Variants in PRKG1 observed in about 807,000 individuals in gnomAD.
PRKG1 encodes protein kinase cGMP-dependent 1.
In PRKG1, 35 loss-of-function variants were observed where a neutral mutation model predicts 88.1. The ratio of observed to expected loss-of-function variants is 0.40; its 90% confidence interval spans 0.30 to 0.53. The LOEUF (loss-of-function observed/expected upper bound fraction) is 0.53, where lower values mean the gene tolerates loss of function less well. Among genes scored for constraint, PRKG1 ranks in the 20% least tolerant of loss-of-function variants. The pLI, the probability that PRKG1 is intolerant of heterozygous loss-of-function variation, is 0.59. For synonymous variants in PRKG1, 303 were observed against 292.5 expected (o/e 1.04, Z -0.37); for missense variants, 540 against 839.8 (o/e 0.64, Z 4.41).
chr10:51,388,742 G>A (rs1254813426), intron 2 of PRKG1, among the ~76,000 whole-genome samples: 1 of 152,162 alleles, frequency 6.6e-6, no homozygotes. Context: ...GTAAACTCAT[G>A]TCAAAGTAAG....
chr10:52,129,170 A>T (rs1837187637), intron 7 of PRKG1, among the ~76,000 whole-genome samples: 1 of 152,188 alleles, frequency 6.6e-6, no homozygotes, highest in Non-Finnish European at 1.5e-5. Context: ...CTGACGTGAA[A>T]TGCCCGCTAA....
At chr10:51,649,536 T>C (rs937507889) in intron 3 of PRKG1, among the ~76,000 whole-genome samples, 1 of 152,154 alleles carries the variant, frequency 6.6e-6, no homozygotes, top group Non-Finnish European at 1.5e-5. Flanking sequence ...ATTCTGAAGG[T>C]AAATTAACAC....
At chr10:51,334,483 A>C (rs1410302138) in intron 2 of PRKG1, among the ~76,000 whole-genome samples, 1 of 152,194 alleles carries the variant, frequency 6.6e-6, no homozygotes, top group African/African-American at 2.4e-5. Context: ...GATTGAATGA[A>C]GAGATTCGTA....
intron 3 of PRKG1, among the ~76,000 whole-genome samples, chr10:51,789,894 T>C (rs1838823276): frequency 6.6e-6 from 1 of 151,922 alleles, no homozygotes; most frequent in Non-Finnish European, 1.5e-5. Flanking sequence ...CCACCTCGAG[T>C]CACTGCAACC....
intron 9 of PRKG1, among the ~76,000 whole-genome samples, chr10:52,193,414 G>A (rs1262711663): frequency 6.6e-6 from 1 of 151,684 alleles, no homozygotes; most frequent in Non-Finnish European, 1.5e-5. Context: ...CACGCATGGT[G>A]GCAGGTGCCT....
intron 9 of PRKG1, among the ~76,000 whole-genome samples, chr10:52,164,036 G>A (rs770903606): frequency 7.9e-5 from 12 of 152,086 alleles, no homozygotes; most frequent in Non-Finnish European, 1.5e-4. Context: ...ATGGCAGTGT[G>A]TAAAAATACT....
At chr10:51,945,888 AT>A (rs1191879646) in intron 5 of PRKG1, among the ~76,000 whole-genome samples, 1 of 150,906 alleles carries the variant, frequency 6.6e-6, no homozygotes, top group Admixed American at 6.6e-5. Flanking sequence ...TGCCCTTAAC[AT>A]TTTTTCCTTC....
At chr10:51,045,232 T>G (rs918859899) in intron 1 of PRKG1, among the ~76,000 whole-genome samples, 1 of 152,194 alleles carries the variant, frequency 6.6e-6, no homozygotes, top group Non-Finnish European at 1.5e-5. Flanking sequence ...CTGAATTATA[T>G]CAGGCAATCT....
At chr10:51,798,963 C>T (rs944380697) in intron 3 of PRKG1, among the ~76,000 whole-genome samples, 15 of 151,928 alleles carry the variant, frequency 9.9e-5, no homozygotes, top group African/African-American at 3.1e-4. Flanking sequence ...GGTCAAATTC[C>T]CTCTACCTGA....
intron 2 of PRKG1, among the ~76,000 whole-genome samples, chr10:51,229,471 G>A (rs1438574509): frequency 1.3e-5 from 2 of 152,164 alleles, no homozygotes; most frequent in Non-Finnish European, 2.9e-5. Flanking sequence ...GAAGTCAGGT[G>A]ACAAGGGTGG....
chr10:51,122,760 C>A (rs563804524), intron 1 of PRKG1, among the ~76,000 whole-genome samples: 4 of 152,126 alleles, frequency 2.6e-5, no homozygotes, highest in African/African-American at 9.7e-5. Flanking sequence ...GTTGTTCTCC[C>A]GTTGAGCATC....
rs562571553 is a variant in PRKG1, at chr10:52,137,126, TC to T, written c.1001+3223del. 2.0e-4 allele frequency among the ~76,000 whole-genome samples: 31 copies of T among 152,178 alleles called. No individual in the cohort carries two copies. The South Asian group carries it at 6.2e-3, about 31-fold the overall frequency. On this transcript the variant is annotated intron_variant, in intron 8 of 17. Transcript: ENST00000373980. ...ATTAGCACTGTCAACAAAAGTAGCT[TC>T]CTTTACAAATTTACAAGCGAGGTAC...
chr10:52,199,217 C>A (rs1005898633), intron 9 of PRKG1, among the ~76,000 whole-genome samples: 1 of 152,112 alleles, frequency 6.6e-6, no homozygotes, highest in Non-Finnish European at 1.5e-5. Context: ...TTGACCTAGG[C>A]ATTTCTTTTA....
intron 4 of PRKG1, among the ~76,000 whole-genome samples, chr10:51,842,829 A>G (rs2132782671): frequency 6.6e-6 from 1 of 152,194 alleles, no homozygotes; most frequent in South Asian, 2.1e-4. Flanking sequence ...CCTGTCAATT[A>G]TAAGAAATTA....
chr10:51,581,666 C>G (rs1838040116), intron 3 of PRKG1, among the ~76,000 whole-genome samples: 1 of 152,128 alleles, frequency 6.6e-6, no homozygotes. Context: ...TCCAACCTGG[C>G]ATTGTCTTTA....
intron 2 of PRKG1, among the ~76,000 whole-genome samples, chr10:51,269,486 T>G (rs764532842): frequency 3.3e-5 from 5 of 152,074 alleles, no homozygotes. Flanking sequence ...AACCAACGAA[T>G]GGATAAAGAA....
chr10:52,161,660 T>C lies in PRKG1; in HGVS notation c.1002-229T>C, dbSNP rs143222896. ...CAGATATGGTTGCCAGATTTGTTTA[T>C]GTGTTGGCAACTCTATTGGCAAATA... On this transcript the variant is annotated intron_variant, in intron 8 of 17. Coordinates refer to ENST00000373980, the MANE Select transcript of PRKG1 (RefSeq NM_006258.4). Among the ~76,000 whole-genome samples the C allele has an allele frequency of 4.4e-4, 67 of 152,260 alleles. 1 individual carries two copies. The East Asian group carries it at 0.012, about 28-fold the overall frequency.
At chr10:51,201,174 T>G (rs1052763868) in intron 2 of PRKG1, among the ~76,000 whole-genome samples, 1 of 152,114 alleles carries the variant, frequency 6.6e-6, no homozygotes, top group Non-Finnish European at 1.5e-5. Context: ...ATAAAAAATA[T>G]TTTAGGACAG....
At chr10:51,257,750 T>C (rs902568453) in intron 2 of PRKG1, among the ~76,000 whole-genome samples, 1 of 152,112 alleles carries the variant, frequency 6.6e-6, no homozygotes, top group African/African-American at 2.4e-5. Flanking sequence ...AGGAAAAACT[T>C]GAAACATTCC....
Sources: allele counts gnomAD v4.1 joint callset (sites outside exome capture counted in the v4.1 genomes callset), GRCh38; gene constraint gnomAD v4.1.1; transcripts MANE v1.5; gene names NCBI Gene and HGNC (gene_info 2026-07-23, HGNC 2026-07-21).